NLGN1: variants seen among roughly 807,000 people sequenced by gnomAD.
NLGN1 encodes the protein neuroligin-1.
NLGN1 carries 12 observed loss-of-function variants against 65.5 expected under a neutral mutation model. The ratio of observed to expected loss-of-function variants is 0.18; its 90% CI spans 0.12 to 0.30. The LOEUF (loss-of-function observed/expected upper bound fraction) is 0.30, where lower values mean the gene tolerates loss of function less well. NLGN1 is among the 10% of genes least tolerant of loss of function. The pLI is 1.00. For synonymous variants in NLGN1, 350 were observed against 359.5 expected (o/e 0.97, Z 0.30); for missense variants, 750 against 1,007.1 (o/e 0.74, Z 3.46).
intron 3 of NLGN1, among the ~76,000 whole-genome samples, chr3:173,755,556 C>T (rs1476278049): frequency 6.6e-6 from 1 of 152,024 alleles, no homozygotes. Context: ...ATGGGAAATA[C>T]CACACTGACA....
intron 3 of NLGN1, among the ~76,000 whole-genome samples, chr3:173,714,686 T>C (rs1014856807): frequency 1.3e-5 from 2 of 152,018 alleles, no homozygotes; most frequent in Admixed American, 1.3e-4. Context: ...AGATTTAACT[T>C]GAAAAGGGAG....
chr3:173,922,558 C>A lies in NLGN1; in HGVS notation c.646+114726C>A, dbSNP rs1560638102. Among the ~76,000 whole-genome samples the A allele has an allele frequency of 4.6e-5, 7 of 151,588 alleles. No individual in the cohort carries two copies. The South Asian group carries it at 1.3e-3, about 27-fold the overall frequency. Reference sequence around the variant, plus strand: ...TCATAAAATTATTTAAAATTTCATCCCAAATGAGTTTTGGGTACATTTTTT... The same window carrying A: ...TCATAAAATTATTTAAAATTTCATCACAAATGAGTTTTGGGTACATTTTTT... On this transcript the variant is annotated intron_variant, in intron 4 of 6. Coordinates refer to ENST00000457714, the Ensembl canonical transcript of NLGN1.
intron 4 of NLGN1, among the ~76,000 whole-genome samples, chr3:173,972,390 A>C (rs1028765641): frequency 6.6e-6 from 1 of 152,150 alleles, no homozygotes; most frequent in African/African-American, 2.4e-5. Context: ...AGAGCTCTAC[A>C]ATGGTGGTAG....
At chr3:174,289,764 A>G (rs762530895), downstream of NLGN1, among the ~76,000 whole-genome samples, 53 of 150,660 alleles carry the variant, frequency 3.5e-4, no homozygotes, top group Non-Finnish European at 5.8e-4. Flanking sequence ...CTCTCTTACT[A>G]CAGATTCTAA....
chr3:173,670,259 C>G (rs144724698), intron 3 of NLGN1, among the ~76,000 whole-genome samples: 63 of 152,270 alleles, frequency 4.1e-4, no homozygotes, highest in Admixed American at 1.9e-3. Flanking sequence ...GACTATGTTA[C>G]TGCATTCTTT....
intron 2 of NLGN1, among the ~76,000 whole-genome samples, chr3:173,589,734 C>G (rs1342105818): frequency 6.6e-6 from 1 of 152,146 alleles, no homozygotes. Flanking sequence ...AATTGATATA[C>G]TGTTTTTTAT....
At chr3:174,071,937 C>A (rs935817602) in intron 4 of NLGN1, among the ~76,000 whole-genome samples, 7 of 152,166 alleles carry the variant, frequency 4.6e-5, no homozygotes, top group Admixed American at 6.6e-5. Context: ...GATCTGGAAA[C>A]CCTTCTGAAG....
At chr3:173,753,316 C>T (rs1339758414) in intron 3 of NLGN1, among the ~76,000 whole-genome samples, 1 of 152,138 alleles carries the variant, frequency 6.6e-6, no homozygotes, top group African/African-American at 2.4e-5. Flanking sequence ...TCATCTCAAA[C>T]TCAACATACC....
At chr3:173,826,610 G>A (rs751268357) in intron 4 of NLGN1, among the ~76,000 whole-genome samples, 3 of 151,952 alleles carry the variant, frequency 2.0e-5, no homozygotes, top group Non-Finnish European at 4.4e-5. Context: ...CTGAAACTAC[G>A]GGCTTCTGCC....
intron 4 of NLGN1, among the ~76,000 whole-genome samples, chr3:174,183,238 TCTC>T (rs2152749231): frequency 6.6e-6 from 1 of 152,240 alleles, no homozygotes; most frequent in South Asian, 2.1e-4. Flanking sequence ...GGGCCTGCCT[TCTC>T]CTGCCAGGCA....
rs937115644 is a variant in NLGN1 at position 173,580,133 on chromosome 3, C to A, written c.-320-24146C>A. On this transcript the variant is annotated intron_variant, in intron 2 of 6. Coordinates refer to ENST00000457714, the Ensembl canonical transcript of NLGN1. ...CATTTATATGATTTTTCAAAAAAAA[C>A]CCCACCTTTTCTCAAAATAACTCTT... Among the ~76,000 whole-genome samples the A allele has an allele frequency of 5.3e-4, 81 of 152,124 alleles. 1 individual carries two copies. Among genetic ancestry groups the A allele is most frequent in the Admixed American group, 2.6e-4 (4 of 15,278 alleles).
chr3:173,791,610 G>A (rs898752422), intron 3 of NLGN1, among the ~76,000 whole-genome samples: 1 of 150,266 alleles, frequency 6.7e-6, no homozygotes, highest in African/African-American at 2.5e-5. Context: ...AGTGTTGCTT[G>A]GGGTAGTGCT....
At chr3:173,545,267 T>A (rs1739595145) in intron 2 of NLGN1, among the ~76,000 whole-genome samples, 1 of 152,018 alleles carries the variant, frequency 6.6e-6, no homozygotes, top group Admixed American at 6.5e-5. Context: ...AGAGATGGGG[T>A]TTCACCGTGT....
chr3:173,745,699 C>T (rs1382091611), intron 3 of NLGN1, among the ~76,000 whole-genome samples: 1 of 152,000 alleles, frequency 6.6e-6, no homozygotes, highest in African/African-American at 2.4e-5. Context: ...GGGAAATCTC[C>T]AAGCATCAGG....
At chr3:174,212,530 C>T (rs1736883071) in intron 4 of NLGN1, among the ~76,000 whole-genome samples, 1 of 152,220 alleles carries the variant, frequency 6.6e-6, no homozygotes, top group Admixed American at 6.5e-5. Flanking sequence ...CATGCTGTCA[C>T]CTCTCACTAG....
intron 3 of NLGN1, among the ~76,000 whole-genome samples, chr3:173,720,739 A>G (rs1770698236): frequency 6.6e-6 from 1 of 152,232 alleles, no homozygotes; most frequent in South Asian, 2.1e-4. Flanking sequence ...ATGAGAGTTT[A>G]ATATATTCTT....
intron 4 of NLGN1, among the ~76,000 whole-genome samples, chr3:173,943,219 G>A (rs1449691820): frequency 7.1e-6 from 1 of 140,568 alleles, no homozygotes; most frequent in Non-Finnish European, 1.5e-5. Context: ...AGAAGACCCT[G>A]TCTCAAAAAC....
intron 2 of NLGN1, among the ~76,000 whole-genome samples, chr3:173,535,761 C>A (rs928335372): frequency 2.6e-5 from 4 of 152,204 alleles, no homozygotes; most frequent in Non-Finnish European, 5.9e-5. Flanking sequence ...CCATTGCAAG[C>A]CTTTGGTTTT....
At chr3:174,066,555 TC>T in intron 4 of NLGN1, among the ~76,000 whole-genome samples, 1 of 147,544 alleles carries the variant, frequency 6.8e-6, no homozygotes, top group Non-Finnish European at 1.5e-5. Flanking sequence ...TCTCTCTCTC[TC>T]TCTCTCTCTG....
Sources: gnomAD v4.1 joint callset for allele counts (sites outside exome capture counted in the v4.1 genomes callset) on GRCh38, gnomAD v4.1.1 for gene constraint, MANE v1.5 for transcripts, NCBI Gene and HGNC (gene_info 2026-07-23, HGNC 2026-07-21) for gene names.